GLB1: variants seen among roughly 807,000 people sequenced by gnomAD.
GLB1 encodes galactosidase beta 1, also known as beta-galactosidase.
In GLB1, 56 loss-of-function variants were observed where a neutral mutation model predicts 74.0. The ratio of observed to expected loss-of-function variants is 0.76; its 90% CI spans 0.61 to 0.94. The LOEUF (loss-of-function observed/expected upper bound fraction) is 0.94. Ranked by LOEUF, GLB1 falls within the 40% of genes least tolerant of loss-of-function variation. The pLI is 0.00. For synonymous variants in GLB1, 323 were observed against 323.6 expected (o/e 1.00, Z 0.02); for missense variants, 787 against 845.5 (o/e 0.93, Z 0.86).
At chr3:33,072,358 T>C (rs758889845) in intron 2 of GLB1, among the ~76,000 whole-genome samples, 186 bp downstream of exon 2, 3 of 152,182 alleles carry the variant, frequency 2.0e-5, no homozygotes, top group Non-Finnish European at 2.9e-5. Flanking sequence ...AAATTGAAGA[T>C]TGGAAGAAGT....
chr3:33,020,720 C>T (rs1430241137), intron 12 of GLB1, among the ~76,000 whole-genome samples: 1 of 152,152 alleles, frequency 6.6e-6, no homozygotes, highest in African/African-American at 2.4e-5. Flanking sequence ...TGACCAGGGA[C>T]ACTTGACTAT....
At chr3:32,981,275 C>T in the GLB1 span, among the ~76,000 whole-genome samples, 6 of 150,958 alleles carry the variant, frequency 4.0e-5, no homozygotes, top group African/African-American at 1.5e-4. Flanking sequence ...TGGTGGCATA[C>T]ACCTGTAGTC....
intron 1 of GLB1, among the ~76,000 whole-genome samples, chr3:33,088,257 T>C (rs1700606841): frequency 6.6e-6 from 1 of 152,100 alleles, no homozygotes; most frequent in East Asian, 1.9e-4. Flanking sequence ...TTGGAAGTCC[T>C]AGTCAGAGCA....
At chr3:32,965,906 T>C in the GLB1 span, among the ~76,000 whole-genome samples, 1 of 152,184 alleles carries the variant, frequency 6.6e-6, no homozygotes, top group Non-Finnish European at 1.5e-5. Flanking sequence ...AGGTTCCATG[T>C]TGTGTTGAGA....
At chr3:33,049,054 A>G (rs1698863359) in intron 9 of GLB1, among the ~76,000 whole-genome samples, 1 of 152,182 alleles carries the variant, frequency 6.6e-6, no homozygotes, top group Non-Finnish European at 1.5e-5. Flanking sequence ...TTTTAAGATG[A>G]ATGTGTTATT....
intron 10 of GLB1, among the ~76,000 whole-genome samples, chr3:33,041,661 CAAA>C (rs58227885): frequency 1.3e-4 from 13 of 99,332 alleles, no homozygotes; most frequent in Admixed American, 2.0e-4. Flanking sequence ...ACCCTGTCTT[CAAA>C]AAAAAAAAAA....
intron 10 of GLB1, among the ~76,000 whole-genome samples, chr3:33,043,720 A>G (rs867900399): frequency 7.9e-5 from 12 of 151,684 alleles, no homozygotes; most frequent in South Asian, 2.1e-4. Flanking sequence ...TTTATAAGGG[A>G]CACATGTAAA....
At chr3:32,974,170 A>C in the GLB1 span, among the ~76,000 whole-genome samples, 66 of 152,326 alleles carry the variant, frequency 4.3e-4, no homozygotes, top group African/African-American at 1.3e-3. Flanking sequence ...ACAGGATGTG[A>C]GATTCAAACC....
chr3:33,000,087 G>GCC (rs1277086639), intron 15 of GLB1, among the ~76,000 whole-genome samples: 3 of 151,466 alleles, frequency 2.0e-5, no homozygotes, highest in Non-Finnish European at 4.4e-5. Context: ...CTACGGGCAT[G>GCC]CCCCACCATG....
chr3:32,988,232 A>G, the GLB1 span, among the ~76,000 whole-genome samples: 301 of 151,694 alleles, frequency 2.0e-3, no homozygotes, highest in Non-Finnish European at 3.5e-3. Context: ...TTTAAGGTGC[A>G]AAGACCAAGG....
intron 6 of GLB1, among the ~76,000 whole-genome samples, chr3:33,056,831 T>C (rs1699243048): frequency 1.3e-5 from 2 of 152,182 alleles, no homozygotes; most frequent in South Asian, 2.1e-4. Flanking sequence ...ATAAACACAA[T>C]ATACTTCTAA....
intron 10 of GLB1, among the ~76,000 whole-genome samples, chr3:33,041,164 A>G (rs4679074): frequency 0.69 from 104,500 of 152,030 alleles, 36,729 homozygotes; most frequent in Middle Eastern, 0.83. Flanking sequence ...ACTACCAAGC[A>G]GGATAAACGA....
At chr3:33,076,172 A>G (rs1012311356) in intron 1 of GLB1, among the ~76,000 whole-genome samples, 2 of 152,226 alleles carry the variant, frequency 1.3e-5, no homozygotes, top group African/African-American at 4.8e-5. Context: ...GCCAAGGTTG[A>G]GAACCACTGG....
Position 33,092,793 on chromosome 3 carries a change from G to A in GLB1, c.75+4218C>T, listed in dbSNP as rs751284222. 39 of 1,543,428 alleles carry A rather than the reference G, an allele frequency of 2.5e-5. No homozygotes were observed. The East Asian group carries it at 4.1e-4, about 16-fold the overall frequency. On this transcript the variant is annotated intron_variant, in intron 1 of 15. Coordinates refer to ENST00000307363, the MANE Select transcript of GLB1 (RefSeq NM_000404.4). ...CCACTCTGAAGCAGGATGGAGGGTCGAGGACAAGGGCAGGGCAGAGGTGCA... is the reference window on the plus strand; with the variant it reads ...CCACTCTGAAGCAGGATGGAGGGTCAAGGACAAGGGCAGGGCAGAGGTGCA...
chr3:33,025,088 A>G (rs1697681953), intron 10 of GLB1, among the ~76,000 whole-genome samples: 1 of 152,050 alleles, frequency 6.6e-6, no homozygotes, highest in Non-Finnish European at 1.5e-5. Flanking sequence ...TGGGACTACA[A>G]GCATGCACCA....
At chr3:33,024,208 C>G (rs1199345851) in intron 11 of GLB1, 43 bp downstream of exon 11, 4 of 1,570,976 alleles carry the variant, frequency 2.5e-6, no homozygotes, top group Non-Finnish European at 3.5e-6. Flanking sequence ...CTTTCTCACT[C>G]CCATCTCTCA....
intron 15 of GLB1, among the ~76,000 whole-genome samples, chr3:33,004,029 CAAA>C (rs1252059060): frequency 7.0e-6 from 1 of 141,888 alleles, no homozygotes; most frequent in Non-Finnish European, 1.5e-5. Context: ...GACTCCATTT[CAAA>C]AAAAAAAAGG....
chr3:33,021,966 G>A (rs887347757), intron 11 of GLB1, among the ~76,000 whole-genome samples: 3 of 152,168 alleles, frequency 2.0e-5, no homozygotes, highest in African/African-American at 7.2e-5. Context: ...CTCAGATGCT[G>A]CCTCCTTATA....
chr3:33,011,949 C>T (rs1697048892), intron 15 of GLB1, among the ~76,000 whole-genome samples: 1 of 152,140 alleles, frequency 6.6e-6, no homozygotes, highest in South Asian at 2.1e-4. Flanking sequence ...TCCCAAGGGC[C>T]TCCTTGCTTC....
Sources: allele counts gnomAD v4.1 joint callset (sites outside exome capture counted in the v4.1 genomes callset), GRCh38; gene constraint gnomAD v4.1.1; transcripts MANE v1.5; gene names NCBI Gene and HGNC (gene_info 2026-07-23, HGNC 2026-07-21).